Variants in USP32 observed in about 807,000 individuals in gnomAD.
USP32 encodes the protein ubiquitin specific peptidase 32.
USP32 carries 59 observed loss-of-function variants against 204.8 expected under a neutral mutation model. The observed-to-expected ratio is 0.29, with a 90% CI of 0.23 to 0.36. The LOEUF is 0.36. Among genes scored for constraint, USP32 ranks in the 10% least tolerant of loss-of-function variants. The pLI, the probability that USP32 is intolerant of heterozygous loss-of-function variation, is 1.00. For synonymous variants in USP32, 517 were observed against 678.4 expected (o/e 0.76, Z 3.70); for missense variants, 1,160 against 1,946.4 (o/e 0.60, Z 7.60).
chr17:60,251,120 T>C (rs1251424649), intron 11 of USP32, among the ~76,000 whole-genome samples: 1 of 151,986 alleles, frequency 6.6e-6, no homozygotes, highest in Non-Finnish European at 1.5e-5. Flanking sequence ...TTTTTGTATT[T>C]TTTGTAAAGA....
At chr17:60,272,316 G>A (rs561491788) in intron 5 of USP32, among the ~76,000 whole-genome samples, 1 of 152,214 alleles carries the variant, frequency 6.6e-6, no homozygotes, top group Non-Finnish European at 1.5e-5. Context: ...GAGTCCCTAT[G>A]TGATAGCAAT....
At chr17:60,382,651 A>ATACTCTG in intron 1 of USP32, among the ~76,000 whole-genome samples, 1 of 152,366 alleles carries the variant, frequency 6.6e-6, no homozygotes, top group Non-Finnish European at 1.5e-5. Context: ...GTTGAATTTT[A>ATACTCTG]TATAACTCTG....
intron 12 of USP32, among the ~76,000 whole-genome samples, chr17:60,227,263 CTTTTT>C (rs1212277467): frequency 6.8e-6 from 1 of 147,030 alleles, no homozygotes; most frequent in Non-Finnish European, 1.5e-5. Context: ...GTTTTCTTTT[CTTTTT>C]TTCTTTTTTT....
Position 60,288,652 on chromosome 17 carries a change from T to C in USP32, c.442A>G (p.Asn148Asp). The part of the protein sequence containing the change: ...GEKVNYEKFR[N>D]WLFLNKDAFT... ...GCATCTTTGTTTAGAAAAAGCCAAT[T>C]TCTAAACTTTTCATAGTTTACCTTT... Residue 148 changes from asparagine (N) to aspartate (D), a missense_variant, in exon 5 of 34, where the codon AAT (asparagine) becomes GAT (aspartate). Transcript: ENST00000300896. The C allele has an allele frequency of 6.2e-7, 1 of 1,609,892 alleles. No individual in the cohort carries two copies. Among genetic ancestry groups the C allele is most frequent in the South Asian group, 1.1e-5 (1 of 90,548 alleles).
intron 16 of USP32, among the ~76,000 whole-genome samples, chr17:60,216,014 C>G (rs888602825): frequency 1.3e-5 from 2 of 151,748 alleles, no homozygotes; most frequent in Non-Finnish European, 2.9e-5. Context: ...CACATTTGGT[C>G]AAAACAGAGT....
intron 21 of USP32, among the ~76,000 whole-genome samples, chr17:60,210,330 G>GAGAC (rs2084929072): frequency 6.7e-6 from 1 of 149,594 alleles, no homozygotes; most frequent in African/African-American, 2.5e-5. Context: ...TTTCTTTTTG[G>GAGAC]AGACAGAGTC....
At chr17:60,185,945 A>G (rs2084239989) in intron 29 of USP32, 1 of 247,100 alleles carries the variant, frequency 4.0e-6, no homozygotes, top group Non-Finnish European at 8.0e-6. Context: ...ACATGTCTGT[A>G]GTCCCAGCTA....
At chr17:60,249,616 C>T in intron 11 of USP32, 1 of 643,398 alleles carries the variant, frequency 1.6e-6, no homozygotes, top group Non-Finnish European at 2.8e-6. Context: ...ACAGCCCATG[C>T]AGACTTGCTG....
intron 12 of USP32, among the ~76,000 whole-genome samples, chr17:60,234,520 G>A (rs1438887632): frequency 6.6e-6 from 1 of 151,302 alleles, no homozygotes; most frequent in East Asian, 2.0e-4. Context: ...GAGGTCAGGA[G>A]ATTGAGACCA....
intron 2 of USP32, among the ~76,000 whole-genome samples, chr17:60,336,066 A>C (rs1255483313): frequency 7.0e-6 from 1 of 143,174 alleles, no homozygotes; most frequent in Non-Finnish European, 1.5e-5. Context: ...GTAATTATAC[A>C]TAAGGTATTT....
chr17:60,359,689 G>A (rs1185829266), intron 1 of USP32, among the ~76,000 whole-genome samples: 2 of 146,658 alleles, frequency 1.4e-5, no homozygotes, highest in South Asian at 2.1e-4. Context: ...ACCTGTACCA[G>A]CTACTCAGGA....
At chr17:60,245,603 C>A in intron 11 of USP32, 2 of 318,870 alleles carry the variant, frequency 6.3e-6, no homozygotes. Flanking sequence ...TCTTGGTTCT[C>A]TTTTTGATGA....
intron 5 of USP32, among the ~76,000 whole-genome samples, chr17:60,284,488 G>A: frequency 6.6e-6 from 1 of 151,862 alleles, no homozygotes. Flanking sequence ...CCAAAGTGCT[G>A]GGATTACAGG....
chr17:60,263,112 C>A (rs1484806786), intron 9 of USP32, among the ~76,000 whole-genome samples: 4 of 152,090 alleles, frequency 2.6e-5, no homozygotes, highest in Non-Finnish European at 5.9e-5. Flanking sequence ...CTGTGCCTGG[C>A]TACGTTTTTT....
At chr17:60,280,130 C>G (rs940731670) in intron 5 of USP32, among the ~76,000 whole-genome samples, 1 of 152,050 alleles carries the variant, frequency 6.6e-6, no homozygotes, top group Non-Finnish European at 1.5e-5. Flanking sequence ...GAGTTTCACT[C>G]TTGTTACCCA....
intron 1 of USP32, among the ~76,000 whole-genome samples, chr17:60,357,025 T>C (rs1482167999): frequency 6.6e-6 from 1 of 152,178 alleles, no homozygotes; most frequent in Non-Finnish European, 1.5e-5. Context: ...AAGTATGAGG[T>C]TGCAGTGAAC....
chr17:60,247,905 C>T (rs573186817), intron 11 of USP32, among the ~76,000 whole-genome samples: 1 of 152,206 alleles, frequency 6.6e-6, no homozygotes, highest in Admixed American at 6.5e-5. Context: ...AGTATGGTCT[C>T]AACCTCCTGA....
intron 2 of USP32, among the ~76,000 whole-genome samples, chr17:60,323,044 T>C (rs899641190): frequency 6.6e-6 from 1 of 152,138 alleles, no homozygotes; most frequent in African/African-American, 2.4e-5. Flanking sequence ...CATATACTAT[T>C]GGTAGAAATG....
At chr17:60,321,823 A>G (rs1245978530) in intron 2 of USP32, among the ~76,000 whole-genome samples, 1 of 151,894 alleles carries the variant, frequency 6.6e-6, no homozygotes, top group Non-Finnish European at 1.5e-5. Flanking sequence ...GTGATGGTCA[A>G]CTCTATTAAT....
Sources: gnomAD v4.1 joint callset for allele counts (sites outside exome capture counted in the v4.1 genomes callset) on GRCh38, gnomAD v4.1.1 for gene constraint, MANE v1.5 for transcripts, NCBI Gene and HGNC (gene_info 2026-07-23, HGNC 2026-07-21) for gene names.